ATP2C2: variants seen among roughly 807,000 people sequenced by gnomAD.
The protein encoded by ATP2C2 is calcium-transporting ATPase type 2C member 2.
A neutral mutation model predicts 110.8 loss-of-function variants in ATP2C2; 171 were observed. The ratio of observed to expected loss-of-function variants is 1.54; its 90% confidence interval spans 1.36 to 1.75. The LOEUF (loss-of-function observed/expected upper bound fraction) is 1.75, where lower values mean the gene tolerates loss of function less well. Among genes scored for constraint, ATP2C2 ranks in the 40% most tolerant of loss-of-function variants. The probability of loss-of-function intolerance (pLI) is 0.00; values close to 1 mark genes in which losing one functional copy is unlikely to be tolerated. For synonymous variants in ATP2C2, 804 were observed against 508.4 expected (o/e 1.58, Z -7.82); for missense variants, 1,963 against 1,235.0 (o/e 1.59, Z -8.84).
At chr16:84,404,536 G>A (rs914618324) in intron 2 of ATP2C2, 37 of 178,536 alleles carry the variant, frequency 2.1e-4, no homozygotes, top group Non-Finnish European at 3.7e-4. Flanking sequence ...ATTTTCTTTC[G>A]TTCTCAGGCT....
chr16:84,406,278 G>A (rs1256235633), intron 3 of ATP2C2, among the ~76,000 whole-genome samples: 1 of 152,234 alleles, frequency 6.6e-6, no homozygotes, highest in Non-Finnish European at 1.5e-5. Context: ...CATTCTAGAA[G>A]TCGGCAGTCC....
chr16:84,419,807 A>G (rs551583278), intron 7 of ATP2C2, among the ~76,000 whole-genome samples: 1 of 152,292 alleles, frequency 6.6e-6, no homozygotes, highest in South Asian at 2.1e-4. Flanking sequence ...CCAGAGTGAC[A>G]GACTGACTTA....
chr16:84,448,613 C>G lies in ATP2C2; in HGVS notation c.1584C>G (p.Ile528Met). The stretch of plus-strand genomic sequence containing the variant: ...GCACCATGTACAACAACGGGGGCAT[C>G]CCCCTGCCGCTGACGCCCCAGCAGA... Reference protein sequence around the residue: ...RYCTMYNNGGIPLPLTPQQRS... With the variant: ...RYCTMYNNGGMPLPLTPQQRS... Residue 528 changes from isoleucine (I) to methionine (M), a missense_variant, in exon 17 of 27, where the codon ATC (isoleucine) becomes ATG (methionine). By Grantham distance (10) the Ile-to-Met change is conservative. Transcript: ENST00000262429. 1.2e-6 allele frequency: 2 copies of G among 1,614,018 alleles called. No individual in the cohort carries two copies. Among genetic ancestry groups the G allele is most frequent in the South Asian group, 2.2e-5 (2 of 91,042 alleles).
chr16:84,440,361 A>C (rs986391666), intron 13 of ATP2C2, among the ~76,000 whole-genome samples: 2 of 152,252 alleles, frequency 1.3e-5, no homozygotes, highest in African/African-American at 4.8e-5. Context: ...AAAACTGGCC[A>C]AACCAAGGGG....
At chr16:84,383,787 GT>G (rs58587781) in intron 1 of ATP2C2, among the ~76,000 whole-genome samples, 23,278 of 100,122 alleles carry the variant, frequency 0.23, 2,008 homozygotes, top group Middle Eastern at 0.31. Context: ...GGTTTTGTTG[GT>G]TTTTTTTTTT....
At chr16:84,379,184 C>T (rs1401498393) in intron 1 of ATP2C2, among the ~76,000 whole-genome samples, 5 of 147,196 alleles carry the variant, frequency 3.4e-5, no homozygotes, top group East Asian at 2.1e-4. Context: ...CCTCTCCTGT[C>T]GTTTCCTTTC....
At chr16:84,368,905 G>A (rs1909791233) in intron 1 of ATP2C2, among the ~76,000 whole-genome samples, 191 bp downstream of exon 1, 1 of 152,224 alleles carries the variant, frequency 6.6e-6, no homozygotes, top group South Asian at 2.1e-4. Context: ...AGCTCAGCAT[G>A]GAACCCTCAC....
intron 7 of ATP2C2, among the ~76,000 whole-genome samples, chr16:84,420,365 C>A (rs953927738): frequency 6.6e-6 from 1 of 152,254 alleles, no homozygotes; most frequent in East Asian, 1.9e-4. Context: ...CACACTCACT[C>A]CCCACCCCAT....
intron 1 of ATP2C2, among the ~76,000 whole-genome samples, chr16:84,395,523 A>T (rs1013882777): frequency 1.3e-5 from 2 of 150,134 alleles, no homozygotes; most frequent in South Asian, 4.2e-4. Flanking sequence ...CAGTGGCATG[A>T]TCTTGGCTCA....
At chr16:84,423,051 G>C (rs901439095) in intron 9 of ATP2C2, 137 bp from the exon 10 acceptor site, 2 of 711,700 alleles carry the variant, frequency 2.8e-6, no homozygotes, top group African/African-American at 1.8e-5. Context: ...CAGTGCAAAA[G>C]TCAATGAATG....
chr16:84,439,455 G>T lies in ATP2C2; in HGVS notation c.1140G>T (p.Lys380Asn). The T allele has an allele frequency of 6.2e-7, 1 of 1,614,174 alleles. No individual in the cohort carries two copies. The highest frequency in any genetic ancestry group is 8.5e-7 in the Non-Finnish European group (1 of 1,180,032). The change falls in exon 13 of 27, where the codon AAG becomes AAT. Residue 380 changes from lysine (K) to asparagine (N), a missense_variant. Lys to Asn is a moderately conservative substitution (Grantham distance 94). Coordinates refer to ENST00000262429, the MANE Select transcript of ATP2C2 (RefSeq NM_014861.4). The part of the protein sequence containing the change: ...LGCCSVLCSD[K>N]TGTLTANEMT... ...GCTGCAGCGTTCTCTGTTCTGACAA[G>T]ACGGGGACTCTGACTGCCAATGAAA...
chr16:84,410,518 C>T (rs1906177579), intron 4 of ATP2C2, 50 bp from the exon 5 acceptor site: 2 of 1,595,830 alleles, frequency 1.3e-6, no homozygotes, highest in Non-Finnish European at 8.6e-7. Context: ...GCCCTGTCCC[C>T]CCTCCCACTG....
intron 21 of ATP2C2, 111 bp from the exon 22 acceptor site, chr16:84,459,009 A>G: frequency 1.7e-6 from 2 of 1,197,078 alleles, no homozygotes; most frequent in Non-Finnish European, 2.4e-6. Context: ...GCAGGGGCCC[A>G]AGTATAACAT....
At chr16:84,445,198 C>T (rs1273520383) in intron 15 of ATP2C2, among the ~76,000 whole-genome samples, 1 of 151,000 alleles carries the variant, frequency 6.6e-6, no homozygotes, top group African/African-American at 2.4e-5. Flanking sequence ...CGCCTCTGCG[C>T]AGCGTTTTCC....
chr16:84,410,177 C>G (rs71386831), intron 4 of ATP2C2, among the ~76,000 whole-genome samples: 38,776 of 152,062 alleles, frequency 0.26, 5,661 homozygotes, highest in South Asian at 0.39. Context: ...CCACTGCACT[C>G]CAGCCTGGTG....
Position 84,415,481 on chromosome 16 carries a change from A to G in ATP2C2, c.516-2A>G. ...TTTTGCTTTTTACCATGTCAAATGCAGCCTAAGAGAAGGAAAACTCCAGCA... is the reference window on the plus strand; with the variant it reads ...TTTTGCTTTTTACCATGTCAAATGCGGCCTAAGAGAAGGAAAACTCCAGCA... On this transcript the variant is annotated splice_acceptor_variant, in intron 6 of 26. Coordinates refer to ENST00000262429, the MANE Select transcript of ATP2C2 (RefSeq NM_014861.4). LOFTEE classifies it high-confidence loss of function. The G allele has an allele frequency of 1.9e-6, 3 of 1,613,924 alleles. No homozygotes were observed. The highest frequency in any genetic ancestry group is 2.5e-6 in the Non-Finnish European group (3 of 1,179,770).
intron 11 of ATP2C2, among the ~76,000 whole-genome samples, chr16:84,434,717 C>T (rs1908589711): frequency 6.6e-6 from 1 of 151,778 alleles, no homozygotes; most frequent in African/African-American, 2.4e-5. Flanking sequence ...GGGGTTTCAA[C>T]ACGTTGGCCA....
At chr16:84,385,699 C>T (rs537052856) in intron 1 of ATP2C2, among the ~76,000 whole-genome samples, 111 of 152,286 alleles carry the variant, frequency 7.3e-4, no homozygotes, top group African/African-American at 2.4e-3. Context: ...GCGGAAGGCA[C>T]CTCTTCACAG....
At chr16:84,442,425 G>C in intron 14 of ATP2C2, 85 bp from the exon 15 acceptor site, 2 of 1,293,536 alleles carry the variant, frequency 1.5e-6, no homozygotes, top group South Asian at 1.2e-5. Flanking sequence ...CACAACCCCA[G>C]CTGTAAAAAT....
Sources: gnomAD v4.1 joint callset for allele counts (sites outside exome capture counted in the v4.1 genomes callset) on GRCh38, gnomAD v4.1.1 for gene constraint, MANE v1.5 for transcripts, NCBI Gene and HGNC (gene_info 2026-07-23, HGNC 2026-07-21) for gene names.